The following TBX20 variants were observed in gnomAD, a reference collection of about 807,000 sequenced individuals.
The protein encoded by TBX20 is T-box transcription factor TBX20.
Under a neutral mutation model 42.9 loss-of-function variants are expected in TBX20, and 8 were observed. That is an observed-to-expected ratio of 0.19 (90% CI 0.11 to 0.34). The LOEUF is 0.34. TBX20 is among the 10% of genes least tolerant of loss of function. The pLI is 1.00. For missense variants in TBX20, 411 were observed against 566.0 expected (o/e 0.73, Z 2.78); for synonymous variants, 198 against 222.8 (o/e 0.89, Z 0.99).
At chr7:35,204,322 T>C in intron 7 of TBX20, 148 bp downstream of exon 7, 1 of 706,184 alleles carries the variant, frequency 1.4e-6, no homozygotes. Context: ...AGGATCAGTG[T>C]CGGGGCTCTC....
At chr7:35,247,755 T>C (rs1448976587) in intron 3 of TBX20, among the ~76,000 whole-genome samples, 1 of 152,148 alleles carries the variant, frequency 6.6e-6, no homozygotes, top group Non-Finnish European at 1.5e-5. Flanking sequence ...CAAAAATTAG[T>C]CATTAAACAT....
rs1018301323 is a variant in TBX20, at chr7:35,241,633, A to G, written c.655-596T>C. On this transcript the variant is annotated intron_variant, in intron 4 of 7. Coordinates refer to ENST00000408931, the MANE Select transcript of TBX20 (RefSeq NM_001077653.2). ...GGCACAGAGGAAACAGGAAGTGCTC[A>G]GTAAATGTGAACTGTATTATTATTA... Among the ~76,000 whole-genome samples the G allele has an allele frequency of 4.6e-4, 70 of 152,202 alleles. 1 individual carries two copies. The highest frequency in any genetic ancestry group is 4.6e-3 in the Admixed American group (70 of 15,280).
At chr7:35,233,132 T>C (rs1202238150) in intron 5 of TBX20, among the ~76,000 whole-genome samples, 1 of 152,220 alleles carries the variant, frequency 6.6e-6, no homozygotes, top group African/African-American at 2.4e-5. Flanking sequence ...TCTTTTTTCA[T>C]TTCAAAAGAA....
chr7:35,207,336 G>A (rs1056633229), intron 6 of TBX20, among the ~76,000 whole-genome samples: 1 of 152,102 alleles, frequency 6.6e-6, no homozygotes, highest in Non-Finnish European at 1.5e-5. Flanking sequence ...TAAAAAATTA[G>A]GTTATTTGTT....
intron 1 of TBX20, among the ~76,000 whole-genome samples, chr7:35,252,397 A>T (rs1432205360): frequency 2.0e-5 from 3 of 147,572 alleles, no homozygotes; most frequent in Non-Finnish European, 3.0e-5. Context: ...TTTTTTTTTG[A>T]CATTCTGTTT....
intron 3 of TBX20, among the ~76,000 whole-genome samples, chr7:35,247,159 G>T: frequency 7.9e-6 from 1 of 127,386 alleles, no homozygotes; most frequent in Non-Finnish European, 1.6e-5. Flanking sequence ...AGGAAAGACT[G>T]GAGGGCAAAA....
chr7:35,248,749 T>C lies in TBX20; in HGVS notation c.473A>G (p.Lys158Arg). The C allele has an allele frequency of 1.9e-6, 3 of 1,614,122 alleles. No homozygotes were observed. The highest frequency in any genetic ancestry group is 2.5e-6 in the Non-Finnish European group (3 of 1,180,016). Reference protein sequence around the residue: ...VLMDIVPVDNKRYRYAYHRSS... With the variant: ...VLMDIVPVDNRRYRYAYHRSS... ...CCGGTGGTAGGCGTAGCGGTACCTC[T>C]TGTTGTCCACAGGGACGATGTCCAT... The change falls in exon 3 of 8, where the codon AAG becomes AGG. Residue 158 changes from lysine to arginine, a missense_variant. Around this residue, in one of 5 missense-constraint regions of TBX20, gnomAD observed 121 missense variants for 165.9 expected, o/e 0.73. Transcript: ENST00000408931.
At chr7:35,245,146 A>T in intron 3 of TBX20, 89 bp from the exon 4 acceptor site, 1 of 948,410 alleles carries the variant, frequency 1.1e-6, no homozygotes, top group Non-Finnish European at 1.7e-6. Flanking sequence ...AAGGGAACAC[A>T]TAAACCATAT....
chr7:35,212,459 G>A (rs962332981), intron 6 of TBX20, among the ~76,000 whole-genome samples: 6 of 152,126 alleles, frequency 3.9e-5, no homozygotes, highest in African/African-American at 1.4e-4. Context: ...TCTTTAATTA[G>A]ATACTAGGCA....
At chr7:35,222,288 T>C (rs140147811) in intron 6 of TBX20, among the ~76,000 whole-genome samples, 7 of 152,076 alleles carry the variant, frequency 4.6e-5, no homozygotes, top group African/African-American at 1.7e-4. Flanking sequence ...GTCTGACACA[T>C]GGCACATGTG....
At chr7:35,220,786 A>T (rs929557652) in intron 6 of TBX20, among the ~76,000 whole-genome samples, 1 of 152,262 alleles carries the variant, frequency 6.6e-6, no homozygotes, top group Non-Finnish European at 1.5e-5. Flanking sequence ...ACTTCTTCTG[A>T]AGCAGACTTA....
intron 6 of TBX20, among the ~76,000 whole-genome samples, chr7:35,209,401 G>A (rs978990133): frequency 1.3e-5 from 2 of 152,100 alleles, no homozygotes; most frequent in Non-Finnish European, 2.9e-5. Flanking sequence ...GGTAGATTCT[G>A]TCTACAAGAA....
intron 6 of TBX20, among the ~76,000 whole-genome samples, chr7:35,222,226 GTTTC>G (rs1259931995): frequency 1.3e-5 from 2 of 151,904 alleles, no homozygotes; most frequent in Non-Finnish European, 2.9e-5. Flanking sequence ...ATAAGAATAA[GTTTC>G]TTTGTTATAT....
chr7:35,230,011 C>T (rs2908048), intron 6 of TBX20, among the ~76,000 whole-genome samples: 7 of 151,988 alleles, frequency 4.6e-5, no homozygotes, highest in Non-Finnish European at 7.4e-5. Flanking sequence ...CAATATATCA[C>T]GTGTACCCCC....
intron 6 of TBX20, among the ~76,000 whole-genome samples, chr7:35,210,862 G>C (rs1182160003): frequency 6.6e-6 from 1 of 152,094 alleles, no homozygotes; most frequent in Non-Finnish European, 1.5e-5. Context: ...TGCTTTTTGA[G>C]ATGTGTAGTG....
chr7:35,210,570 G>GT (rs961311853), intron 6 of TBX20, among the ~76,000 whole-genome samples: 11 of 151,940 alleles, frequency 7.2e-5, no homozygotes, highest in Admixed American at 2.6e-4. Context: ...ATATTTGTCT[G>GT]TTTTTTTATA....
intron 6 of TBX20, among the ~76,000 whole-genome samples, chr7:35,209,978 T>C (rs1789465111): frequency 6.6e-6 from 1 of 152,214 alleles, no homozygotes; most frequent in South Asian, 2.1e-4. Flanking sequence ...CTTCCTGTTA[T>C]TTTCTCTAAT....
chr7:35,237,044 T>C (rs1584353436), intron 5 of TBX20, among the ~76,000 whole-genome samples: 1 of 142,342 alleles, frequency 7.0e-6, no homozygotes, highest in East Asian at 2.0e-4. Flanking sequence ...CAGTGGTCAC[T>C]TCCTTGGCCT....
chr7:35,252,984 A>G (rs572266615), intron 1 of TBX20, among the ~76,000 whole-genome samples: 93 of 152,366 alleles, frequency 6.1e-4, no homozygotes, highest in Admixed American at 1.1e-3. Flanking sequence ...CTAGAGCTTC[A>G]GTGAATAAAA....
Sources: gnomAD v4.1 joint callset for allele counts (sites outside exome capture counted in the v4.1 genomes callset) on GRCh38, gnomAD v4.1.1 for gene constraint, gnomAD v4.1.1 regional missense constraint, MANE v1.5 for transcripts, NCBI Gene and HGNC (gene_info 2026-07-23, HGNC 2026-07-21) for gene names.